DRC3: variants seen among roughly 807,000 people sequenced by gnomAD.
DRC3 encodes the protein leucine rich repeat containing 48.
Under a neutral mutation model 57.6 loss-of-function variants are expected in DRC3, and 45 were observed. The observed-to-expected ratio is 0.78, with a 90% confidence interval of 0.62 to 1.00. The LOEUF is 1.00. DRC3 is among the 50% of genes least tolerant of loss of function. The pLI, the probability that DRC3 is intolerant of heterozygous loss-of-function variation, is 0.00. For synonymous variants in DRC3, 257 were observed against 272.3 expected, an observed-to-expected ratio of 0.94 and a Z score of 0.55; for missense variants, 655 against 675.2, an observed-to-expected ratio of 0.97 and a Z score of 0.33.
chr17:17,989,886 A>C (rs931012446), intron 5 of DRC3, among the ~76,000 whole-genome samples: 2 of 152,218 alleles, frequency 1.3e-5, no homozygotes, highest in Non-Finnish European at 2.9e-5. Context: ...AAGGTCTCTC[A>C]TGGCTACAGC....
intron 12 of DRC3, among the ~76,000 whole-genome samples, chr17:18,013,725 A>C (rs1490400147): frequency 6.6e-6 from 1 of 152,212 alleles, no homozygotes; most frequent in Non-Finnish European, 1.5e-5. Flanking sequence ...CTAGTGTTCT[A>C]TACCACTATG....
chr17:17,992,635 TCACCC>T, intron 5 of DRC3, 125 bp from the exon 6 acceptor site: 1 of 976,708 alleles, frequency 1.0e-6, no homozygotes, highest in Non-Finnish European at 1.5e-6. Flanking sequence ...ACACTGCCTG[TCACCC>T]CACCCCAGTG....
In DRC3 at chr17:17,987,978, G is replaced by T; in HGVS notation, c.324G>T (p.Leu108=). Residue 108 remains leucine, a synonymous_variant, in exon 5 of 14, where the codon CTG becomes CTT. Coordinates refer to ENST00000399187, the MANE Select transcript of DRC3 (RefSeq NM_031294.4). Reference sequence around the variant, plus strand: ...AGACCATCGAGGGGCTGGACACACTGGTGAACCTGGAGGACCTGAGCTTGT... The same window carrying T: ...AGACCATCGAGGGGCTGGACACACTTGTGAACCTGGAGGACCTGAGCTTGT... ...NIETIEGLDT[L]VNLEDLSLFN... 6.2e-7 allele frequency: 1 copy of T among 1,613,978 alleles called. No individual in the cohort carries two copies. The highest frequency in any genetic ancestry group is 1.1e-5 in the South Asian group (1 of 91,080).
chr17:18,001,801 A>T (rs919122215), intron 9 of DRC3, among the ~76,000 whole-genome samples: 1 of 152,184 alleles, frequency 6.6e-6, no homozygotes, highest in East Asian at 1.9e-4. Flanking sequence ...AAGAATTAAA[A>T]AATTTTTAAG....
At chr17:18,003,762 C>G (rs1348585804) in intron 9 of DRC3, among the ~76,000 whole-genome samples, 1 of 149,268 alleles carries the variant, frequency 6.7e-6, no homozygotes, top group African/African-American at 2.5e-5. Flanking sequence ...CCTGCCTCAG[C>G]CTCCCAAGTA....
At chr17:17,987,202 G>A (rs1203180476) in intron 4 of DRC3, among the ~76,000 whole-genome samples, 6 of 121,594 alleles carry the variant, frequency 4.9e-5, no homozygotes, top group Non-Finnish European at 6.4e-5. Flanking sequence ...ACAACAGAGC[G>A]AGACCCTGTC....
rs2145436418 is a variant in DRC3 at position 18,008,837 on chromosome 17, C to T, written c.1326+1690C>T. ...GTGGAGATCCCTCCCAGCACAGCTCCCATGTCTGTGACACCCAGAAGGCAC... is the reference window on the plus strand; with the variant it reads ...GTGGAGATCCCTCCCAGCACAGCTCTCATGTCTGTGACACCCAGAAGGCAC... On this transcript the variant is annotated intron_variant, in intron 12 of 13. Transcript: ENST00000399187. The surrounding 1 kb of genome is among the most constrained non-coding windows in gnomAD (Gnocchi z 4.3). Among the ~76,000 whole-genome samples, 1 of 152,314 alleles carries T rather than the reference C, an allele frequency of 6.6e-6. No individual in the cohort carries two copies. Among genetic ancestry groups the T allele is most frequent in the South Asian group, 2.1e-4 (1 of 4,834 alleles).
chr17:18,003,271 T>C (rs2043811460), intron 9 of DRC3, among the ~76,000 whole-genome samples: 1 of 151,628 alleles, frequency 6.6e-6, no homozygotes, highest in Admixed American at 6.6e-5. Flanking sequence ...GATCATGAGG[T>C]CAGGAGTTCA....
chr17:18,000,457 C>T (rs1002673525), intron 9 of DRC3, among the ~76,000 whole-genome samples: 3 of 152,052 alleles, frequency 2.0e-5, no homozygotes, highest in Admixed American at 1.3e-4. Flanking sequence ...GAAAAAGTAG[C>T]TTCTTTTTTT....
chr17:17,984,600 T>C (rs2042872752), intron 4 of DRC3, among the ~76,000 whole-genome samples: 1 of 152,162 alleles, frequency 6.6e-6, no homozygotes, highest in Non-Finnish European at 1.5e-5. Context: ...ATGCCCTGTC[T>C]TGTTTAACCC....
rs1347752423 is a variant in DRC3 at position 18,016,225 on chromosome 17, CTGGA to C, written c.1458+33_1458+36del. 2.5e-6 allele frequency: 4 copies of C among 1,603,450 alleles called. No individual in the cohort carries two copies. The African/African-American group carries it at 5.4e-5, about 21-fold the overall frequency. Reference sequence around the variant, plus strand: ...GTCAATCCCAAGCCATCCTAGCAGGCTGGATGAACTTTTCTAGCTGACATGGAAA... The same window carrying C: ...GTCAATCCCAAGCCATCCTAGCAGGCTGAACTTTTCTAGCTGACATGGAAA... On this transcript the variant is annotated intron_variant, in intron 13 of 13. Transcript: ENST00000399187.
chr17:17,995,061 A>C lies in DRC3; in HGVS notation c.774A>C (p.Ser258=), dbSNP rs1354879919. Reference sequence around the variant, plus strand: ...TTGACAGCATGTACGCTGAGGACTCAGAGGGCAACAATCTGTCCTACCTGC... The same window carrying C: ...TTGACAGCATGTACGCTGAGGACTCCGAGGGCAACAATCTGTCCTACCTGC... The part of the protein sequence containing the change: ...FLFDSMYAED[S]EGNNLSYLPG... The change falls in exon 8 of 14, where the codon TCA becomes TCC. Residue 258 remains serine, a synonymous_variant. Coordinates refer to ENST00000399187, the MANE Select transcript of DRC3 (RefSeq NM_031294.4). 3.7e-6 allele frequency: 6 copies of C among 1,613,802 alleles called. No homozygotes were observed. The highest frequency in any genetic ancestry group is 5.1e-6 in the Non-Finnish European group (6 of 1,179,802).
chr17:18,016,622 AC>A lies in DRC3; in HGVS notation c.1524del (p.His508GlnfsTer15), dbSNP rs1178696710. The stretch of plus-strand genomic sequence containing the variant: ...AAGGAGATCAATCAGTACATCGACC[AC>A]ATGCAGAGCGAACTGGACAACCTGG... ...RVKEINQYID[H>X]MQSELDNLEC... On this transcript the variant is annotated frameshift_variant, in exon 14 of 14. Transcript: ENST00000399187. LOFTEE classifies it high-confidence loss of function. The A allele has an allele frequency of 6.2e-7, 1 of 1,613,906 alleles. No homozygotes were observed. The highest frequency in any genetic ancestry group is 8.5e-7 in the Non-Finnish European group (1 of 1,179,832).
chr17:17,977,732 TC>T lies in DRC3; in HGVS notation c.136del (p.Leu46CysfsTer13). The part of the protein sequence containing the change: ...AKQEGILFKD[V>X]LSLQLDFRNI... ...CAGGAGGGCATCCTCTTCAAGGATGTCCTGTCCCTGCAGCTGGACTTTCGGA... is the reference window on the plus strand; with the variant it reads ...CAGGAGGGCATCCTCTTCAAGGATGTCTGTCCCTGCAGCTGGACTTTCGGA... On this transcript the variant is annotated frameshift_variant, in exon 3 of 14. Coordinates refer to ENST00000399187, the MANE Select transcript of DRC3 (RefSeq NM_031294.4). LOFTEE classifies it high-confidence loss of function. The T allele has an allele frequency of 6.2e-7, 1 of 1,610,486 alleles. No homozygotes were observed. Among genetic ancestry groups the T allele is most frequent in the South Asian group, 1.1e-5 (1 of 90,906 alleles).
chr17:18,016,401 C>A, intron 13 of DRC3, 157 bp from the exon 14 acceptor site: 1 of 785,818 alleles, frequency 1.3e-6, no homozygotes, highest in Non-Finnish European at 2.0e-6. Flanking sequence ...ATTCCTACCT[C>A]AAATATACAG....
Position 17,995,006 on chromosome 17 carries a change from T to C in DRC3, c.719T>C (p.Phe240Ser). 1 of 1,613,816 alleles carries C rather than the reference T, an allele frequency of 6.2e-7. No individual in the cohort carries two copies. Among genetic ancestry groups the C allele is most frequent in the South Asian group, 1.1e-5 (1 of 91,080 alleles). The change falls in exon 8 of 14, where the codon TTT becomes TCT. Residue 240 changes from phenylalanine to serine, a missense_variant. Coordinates refer to ENST00000399187, the MANE Select transcript of DRC3 (RefSeq NM_031294.4). ...REELEKHKTA[F>S]VEHLNGSFLF... is the part of the protein sequence containing the mutation. ...GTGTGTTTCTGCCTGCAGACTGCGTTTGTGGAACACCTGAATGGCTCCTTC... is the reference window on the plus strand; with the variant it reads ...GTGTGTTTCTGCCTGCAGACTGCGTCTGTGGAACACCTGAATGGCTCCTTC...
intron 6 of DRC3, chr17:17,993,188 T>A (rs2043308038): frequency 3.3e-6 from 1 of 301,300 alleles, no homozygotes. Context: ...GTTTTCCAGA[T>A]GAAGAAGCTG....
chr17:17,998,479 G>A (rs1007321774), intron 9 of DRC3, among the ~76,000 whole-genome samples: 1 of 152,204 alleles, frequency 6.6e-6, no homozygotes, highest in African/African-American at 2.4e-5. Context: ...AGATGCTAAG[G>A]AAAGCTGTGG....
chr17:17,992,374 G>A (rs1458754848), intron 5 of DRC3, among the ~76,000 whole-genome samples: 1 of 152,224 alleles, frequency 6.6e-6, no homozygotes, highest in Non-Finnish European at 1.5e-5. Context: ...TACCGAATAG[G>A]TGTCAGGCAC....
Sources: gnomAD v4.1 joint callset for allele counts (sites outside exome capture counted in the v4.1 genomes callset) on GRCh38, gnomAD v4.1.1 for gene constraint, Gnocchi (gnomAD v3.1) non-coding constraint, MANE v1.5 for transcripts, NCBI Gene and HGNC (gene_info 2026-07-23, HGNC 2026-07-21) for gene names.